Variants in ZNF831 observed in about 807,000 individuals in gnomAD.
ZNF831 encodes the protein zinc finger protein 831, also known as chromosome 20 open reading frame 174.
A neutral mutation model predicts 95.8 loss-of-function variants in ZNF831; 59 were observed. That is an observed-to-expected ratio of 0.62 (90% CI 0.50 to 0.77). ZNF831 has a LOEUF of 0.77. Ranked by LOEUF, ZNF831 falls within the 30% of genes least tolerant of loss-of-function variation. The pLI, the probability that ZNF831 is intolerant of heterozygous loss-of-function variation, is 0.00. For missense variants in ZNF831, 2,205 were observed against 2,164.0 expected, an observed-to-expected ratio of 1.02 and a Z score of -0.38; for synonymous variants, 961 against 925.5, an observed-to-expected ratio of 1.04 and a Z score of -0.70.
intron 4 of ZNF831, among the ~76,000 whole-genome samples, chr20:59,212,388 A>G (rs1985403024): frequency 6.6e-6 from 1 of 152,136 alleles, no homozygotes; most frequent in South Asian, 2.1e-4. Flanking sequence ...TGCCCGGACA[A>G]CTGAGTCTTT....
chr20:59,206,896 C>T lies in ZNF831; in HGVS notation c.3876-9C>T, dbSNP rs1984928500. The T allele has an allele frequency of 6.2e-7, 1 of 1,612,838 alleles. No homozygotes were observed. Among genetic ancestry groups the T allele is most frequent in the Non-Finnish European group, 8.5e-7 (1 of 1,179,530 alleles). ...CTGGTTACTGCAAGCATGCTTCTCT[C>T]TTCTACAGGTACAAAGGGAATTTCT... On this transcript the variant is annotated splice_polypyrimidine_tract_variant and intron_variant, in intron 3 of 5. Transcript: ENST00000371030.
At position 59,231,834 on chromosome 20, in the gene ZNF831, G is replaced by C. The variant is rs552463712; in HGVS notation, c.4028-21144G>C. On this transcript the variant is annotated intron_variant, in intron 4 of 5. Transcript: ENST00000371030. ...TTAGTTTTCTTCCTTGTCACTTCCA[G>C]TCAGTTATGGCTGCTTTTCCACTAT... 6.6e-5 allele frequency among the ~76,000 whole-genome samples: 10 copies of C among 152,278 alleles called. No homozygotes were observed. The East Asian group carries it at 1.9e-3, about 29-fold the overall frequency.
rs201744306 is a variant in ZNF831, at chr20:59,191,184, G to T, written c.165G>T (p.Leu55=). Residue 55 remains leucine (L), a synonymous_variant, in exon 2 of 6, where the codon CTG becomes CTT. Coordinates refer to ENST00000371030, the MANE Select transcript of ZNF831 (RefSeq NM_178457.3). ...GCCTGGCCCCCCCCACTGTGTTCCT[G>T]AAGGCCCTGCCCATCCCACTGTACC... ...EQGLAPPTVF[L]KALPIPLYHT... 744 of 1,597,812 alleles carry T rather than the reference G, an allele frequency of 4.7e-4. 3 individuals carry two copies. In the African/African-American group the frequency reaches 8.9e-3, roughly 19 times the overall value.
chr20:59,221,271 T>C (rs1269771030), intron 4 of ZNF831, among the ~76,000 whole-genome samples: 1 of 152,172 alleles, frequency 6.6e-6, no homozygotes, highest in Non-Finnish European at 1.5e-5. Flanking sequence ...CGGGAGTACA[T>C]TCTGGGCCCT....
intron 4 of ZNF831, among the ~76,000 whole-genome samples, chr20:59,212,749 G>T (rs1985429163): frequency 6.6e-6 from 1 of 152,184 alleles, no homozygotes; most frequent in African/African-American, 2.4e-5. Flanking sequence ...CATAAGGTTG[G>T]CTGGTTAGGT....
chr20:59,203,155 A>G (rs2146627737), intron 3 of ZNF831, among the ~76,000 whole-genome samples: 1 of 152,172 alleles, frequency 6.6e-6, no homozygotes, highest in East Asian at 1.9e-4. Context: ...TCCTACTTTC[A>G]AAAATATGCA....
chr20:59,225,671 G>A (rs1022998052), intron 4 of ZNF831, among the ~76,000 whole-genome samples: 4 of 152,184 alleles, frequency 2.6e-5, no homozygotes, highest in South Asian at 2.1e-4. Context: ...ATTAGATGAC[G>A]TGAGGTAAAC....
Position 59,193,924 on chromosome 20 carries a change from AGCAGTGGGTG to A in ZNF831, c.2908_2917del (p.Ser970LeufsTer92). 1.3e-6 allele frequency: 2 copies of A among 1,596,752 alleles called. No individual in the cohort carries two copies. The highest frequency in any genetic ancestry group is 1.7e-6 in the Non-Finnish European group (2 of 1,171,460). ...AAGGCACAGCCAGGACTCTCTCTGC[AGCAGTGGGTG>A]GCCTGAAGAACGGGCATCATTTGTT... On this transcript the variant is annotated frameshift_variant, in exon 2 of 6. Coordinates refer to ENST00000371030, the MANE Select transcript of ZNF831 (RefSeq NM_178457.3). LOFTEE classifies it high-confidence loss of function.
rs2146541661 is a variant in ZNF831 at position 59,191,029 on chromosome 20, C to T, written c.10C>T (p.Pro4Ser). Residue 4 changes from proline (P) to serine (S), a missense_variant, in exon 2 of 6, where the codon CCA becomes TCA. By Grantham distance (74) the Pro-to-Ser change is moderately conservative. Transcript: ENST00000371030. Reference protein sequence around the residue: MEVPEPTCPAPPAR... With the variant: MEVSEPTCPAPPAR... ...ATCCAGATGATGCGGAATGGAGGTT[C>T]CAGAACCCACCTGCCCTGCCCCTCC... 6.7e-7 allele frequency: 1 copy of T among 1,484,242 alleles called. No individual in the cohort carries two copies. Among genetic ancestry groups the T allele is most frequent in the Non-Finnish European group, 8.9e-7 (1 of 1,125,390 alleles). The allele number at this position is 1,484,242 out of a possible 1,614,324, so 91.9% of individuals were successfully genotyped here. A position where few individuals can be genotyped will look rare whatever the true frequency, so the allele number is the denominator to read the frequency against.
chr20:59,215,848 G>A (rs1037303532), intron 4 of ZNF831, among the ~76,000 whole-genome samples: 1 of 152,192 alleles, frequency 6.6e-6, no homozygotes, highest in African/African-American at 2.4e-5. Context: ...GTGCCATTAA[G>A]GGAACATGGC....
At position 59,194,062 on chromosome 20, in the gene ZNF831, G is replaced by A. The variant is rs375577002; in HGVS notation, c.3043G>A (p.Asp1015Asn). ...GGACCCCAGCTGTTCCAGGCCACAG[G>A]ATGGGAGAAAAGGGGCACAGTTGGG... ...LEDPSCSRPQ[D>N]GRKGAQLGGD... The change falls in exon 2 of 6, where the codon GAT becomes AAT. Residue 1015 changes from aspartate to asparagine, a missense_variant. Coordinates refer to ENST00000371030, the MANE Select transcript of ZNF831 (RefSeq NM_178457.3). 6.5e-7 allele frequency: 1 copy of A among 1,531,588 alleles called. No homozygotes were observed. The highest frequency in any genetic ancestry group is 2.0e-5 in the Admixed American group (1 of 48,924). The allele number at this position is 1,531,588 out of a possible 1,614,324, so 94.9% of individuals were successfully genotyped here.
chr20:59,163,509 G>T (rs1488383753), upstream of ZNF831, among the ~76,000 whole-genome samples: 2 of 152,148 alleles, frequency 1.3e-5, no homozygotes, highest in Non-Finnish European at 2.9e-5. Context: ...AACCTCTGGG[G>T]TTACATGTGG....
chr20:59,236,234 A>T (rs936244070), intron 4 of ZNF831, among the ~76,000 whole-genome samples: 2 of 152,172 alleles, frequency 1.3e-5, no homozygotes, highest in African/African-American at 4.8e-5. Flanking sequence ...AACAAAAAGC[A>T]CAGGATGTCT....
At chr20:59,197,081 C>A (rs1984176412) in intron 3 of ZNF831, among the ~76,000 whole-genome samples, 1 of 152,142 alleles carries the variant, frequency 6.6e-6, no homozygotes, top group African/African-American at 2.4e-5. Flanking sequence ...AGCCACTGCA[C>A]TGTCAGTAAT....
chr20:59,124,338 G>T (rs147433752), intron 1 of ZNF831, among the ~76,000 whole-genome samples: 171 of 152,276 alleles, frequency 1.1e-3, no homozygotes, highest in African/African-American at 4.0e-3. Flanking sequence ...GCACAGCTGG[G>T]TACAGAGTCT....
chr20:59,247,381 T>C (rs1047411168), intron 4 of ZNF831, among the ~76,000 whole-genome samples: 11 of 152,226 alleles, frequency 7.2e-5, no homozygotes, highest in African/African-American at 2.7e-4. Context: ...ACTATAATTA[T>C]CATGTGGGTG....
At chr20:59,157,523 T>A (rs1980606007) in intron 2 of ZNF831, among the ~76,000 whole-genome samples, 2 of 151,842 alleles carry the variant, frequency 1.3e-5, no homozygotes, top group South Asian at 4.2e-4. Flanking sequence ...GGATAGACAG[T>A]GAGAAATAAA....
At chr20:59,253,234 G>T in intron 5 of ZNF831, 96 bp downstream of exon 5, 1 of 1,382,330 alleles carries the variant, frequency 7.2e-7, no homozygotes, top group Non-Finnish European at 9.9e-7. Flanking sequence ...GGCAGAACTT[G>T]CTCGGATCAC....
chr20:59,231,604 A>G (rs1986725961), intron 4 of ZNF831, among the ~76,000 whole-genome samples: 2 of 152,238 alleles, frequency 1.3e-5, no homozygotes, highest in African/African-American at 4.8e-5. Flanking sequence ...TACTGTTTCA[A>G]GAGTCTTATG....
Sources: allele counts gnomAD v4.1 joint callset (sites outside exome capture counted in the v4.1 genomes callset), GRCh38; gene constraint gnomAD v4.1.1; transcripts MANE v1.5; gene names NCBI Gene and HGNC (gene_info 2026-07-23, HGNC 2026-07-21).